DRG1: variants seen among roughly 807,000 people sequenced by gnomAD.
DRG1 encodes developmentally regulated GTP binding protein 1.
Under a neutral mutation model 38.8 loss-of-function variants are expected in DRG1, and 19 were observed. That is an observed-to-expected ratio of 0.49 (90% CI 0.34 to 0.72). The LOEUF (loss-of-function observed/expected upper bound fraction) is 0.72. Ranked by LOEUF, DRG1 falls within the 30% of genes least tolerant of loss-of-function variation. The pLI, the probability that DRG1 is intolerant of heterozygous loss-of-function variation, is 0.01. For synonymous variants in DRG1, 167 were observed against 157.5 expected, an observed-to-expected ratio of 1.06 and a Z score of -0.45; for missense variants, 299 against 444.8, an observed-to-expected ratio of 0.67 and a Z score of 2.95.
intron 8 of DRG1, among the ~76,000 whole-genome samples, chr22:31,429,732 G>C (rs575310545): frequency 3.4e-4 from 52 of 151,448 alleles, no homozygotes; most frequent in Non-Finnish European, 6.8e-4. Context: ...CTGTAGCCTT[G>C]ATCTCATGGG....
chr22:31,421,497 T>C (rs1373941838), intron 5 of DRG1: 1 of 151,856 alleles, frequency 6.6e-6, no homozygotes, highest in Admixed American at 6.6e-5. Context: ...TAGAATAGAT[T>C]TGGAGGGAAG....
At chr22:31,405,213 G>T (rs1382102079) in intron 3 of DRG1, among the ~76,000 whole-genome samples, 2 of 150,754 alleles carry the variant, frequency 1.3e-5, no homozygotes, top group African/African-American at 2.4e-5. Context: ...GTGTCACCCA[G>T]GCTGGAGTGC....
chr22:31,422,117 A>AAAAG (rs202067771), intron 5 of DRG1, among the ~76,000 whole-genome samples: 32,654 of 149,484 alleles, frequency 0.22, 4,590 homozygotes, highest in East Asian at 0.45. Context: ...CTCAAAAAAA[A>AAAAG]AAAGAAAGAA....
intron 3 of DRG1, among the ~76,000 whole-genome samples, chr22:31,404,325 C>A (rs998204934): frequency 1.3e-5 from 2 of 151,338 alleles, no homozygotes; most frequent in Non-Finnish European, 2.9e-5. Flanking sequence ...CTGCAATCTC[C>A]GCCTCCTGGG....
chr22:31,426,344 A>G (rs2145870297), intron 6 of DRG1, among the ~76,000 whole-genome samples: 1 of 152,320 alleles, frequency 6.6e-6, no homozygotes, highest in South Asian at 2.1e-4. Context: ...TGGGATTAGA[A>G]TCAGTCTGAG....
chr22:31,433,513 C>T (rs1254899712), intron 8 of DRG1, among the ~76,000 whole-genome samples: 2 of 152,016 alleles, frequency 1.3e-5, no homozygotes, highest in East Asian at 1.9e-4. Flanking sequence ...TCAGGTGATC[C>T]GCACCCTTCG....
At chr22:31,428,512 C>T (rs1453955129) in intron 8 of DRG1, among the ~76,000 whole-genome samples, 1 of 152,172 alleles carries the variant, frequency 6.6e-6, no homozygotes, top group Non-Finnish European at 1.5e-5. Flanking sequence ...TGCGCCCAGC[C>T]CAAAGTTTCC....
chr22:31,431,010 A>T (rs1279837997), intron 8 of DRG1, among the ~76,000 whole-genome samples: 4 of 99,058 alleles, frequency 4.0e-5, no homozygotes, highest in Non-Finnish European at 7.8e-5. Flanking sequence ...TAGCCACTGC[A>T]CCCGGCCTTC....
Position 31,420,419 on chromosome 22 carries a change from A to G in DRG1, c.576A>G (p.Thr192=), listed in dbSNP as rs762432870. The G allele has an allele frequency of 6.2e-7, 1 of 1,614,186 alleles. No homozygotes were observed. The highest frequency in any genetic ancestry group is 1.1e-5 in the South Asian group (1 of 91,082). ...KKKDKGGINL[T]ATCPQSELDA... ...AGGACAAGGGAGGCATTAATCTCAC[A>G]GCCACTGTAAGTGGGGAATATGACA... The change falls in exon 5 of 9, where the codon ACA becomes ACG. Residue 192 remains threonine (T), a synonymous_variant. Coordinates refer to ENST00000331457, the MANE Select transcript of DRG1 (RefSeq NM_004147.4).
chr22:31,401,300 AG>A (rs969319040), intron 2 of DRG1, among the ~76,000 whole-genome samples: 1 of 150,768 alleles, frequency 6.6e-6, no homozygotes, highest in African/African-American at 2.4e-5. Context: ...AAAAAAAAAA[AG>A]GCTGGGTGCG....
chr22:31,405,230 G>A (rs1188563216), intron 3 of DRG1, among the ~76,000 whole-genome samples: 1 of 150,574 alleles, frequency 6.6e-6, no homozygotes, highest in African/African-American at 2.4e-5. Context: ...GTGCAGTGGC[G>A]TGATTCGGCT....
intron 4 of DRG1, among the ~76,000 whole-genome samples, chr22:31,411,959 G>C (rs13055859): frequency 6.6e-6 from 1 of 150,778 alleles, no homozygotes; most frequent in Non-Finnish European, 1.5e-5. Flanking sequence ...TTTGTTTTTT[G>C]ATAAAAAACC....
intron 1 of DRG1, 131 bp downstream of exon 1, chr22:31,399,856 T>C: frequency 7.5e-7 from 1 of 1,338,770 alleles, no homozygotes; most frequent in South Asian, 1.2e-5. Context: ...GCGAGGCCCG[T>C]GTTCCGACTG....
At chr22:31,399,870 T>C in intron 1 of DRG1, 145 bp downstream of exon 1, 1 of 1,175,888 alleles carries the variant, frequency 8.5e-7, no homozygotes, top group South Asian at 1.3e-5. Flanking sequence ...CCGACTGCCC[T>C]CTGCCACGAT....
intron 4 of DRG1, among the ~76,000 whole-genome samples, chr22:31,417,748 T>C (rs1002174797): frequency 3.9e-5 from 6 of 151,904 alleles, no homozygotes; most frequent in African/African-American, 9.7e-5. Context: ...CCCAGCACTT[T>C]AGGAGGCTGA....
At chr22:31,408,881 ATTTGT>A (rs1464909555) in intron 3 of DRG1, among the ~76,000 whole-genome samples, 1 of 150,516 alleles carries the variant, frequency 6.6e-6, no homozygotes, top group Non-Finnish European at 1.5e-5. Flanking sequence ...TAGATTTTAT[ATTTGT>A]TTTAACTGTT....
chr22:31,422,142 A>C (rs922625707), intron 5 of DRG1, among the ~76,000 whole-genome samples: 1 of 146,604 alleles, frequency 6.8e-6, no homozygotes, highest in African/African-American at 2.5e-5. Flanking sequence ...AGAAAAGAAA[A>C]GAGAATCGGC....
intron 4 of DRG1, among the ~76,000 whole-genome samples, chr22:31,417,618 T>G (rs889482226): frequency 2.0e-5 from 3 of 150,532 alleles, no homozygotes; most frequent in Non-Finnish European, 4.4e-5. Flanking sequence ...AGGCGGAGGT[T>G]GCAGTGAGCC....
Position 31,403,215 on chromosome 22 carries a change from C to A in DRG1, c.342+11C>A. 1 of 1,591,786 alleles carries A rather than the reference C, an allele frequency of 6.3e-7. No individual in the cohort carries two copies. Among genetic ancestry groups the A allele is most frequent in the Non-Finnish European group, 8.5e-7 (1 of 1,170,638 alleles). On this transcript the variant is annotated intron_variant, in intron 3 of 8. Coordinates refer to ENST00000331457, the MANE Select transcript of DRG1 (RefSeq NM_004147.4). ...GGTGCCAAGATCCAGGTGAGTCAAG[C>A]CTGCAGACTAAGGAAGGAAAGAAAT... is the stretch of plus-strand genomic sequence containing the variant.
Sources: allele counts gnomAD v4.1 joint callset (sites outside exome capture counted in the v4.1 genomes callset), GRCh38; gene constraint gnomAD v4.1.1; transcripts MANE v1.5; gene names NCBI Gene and HGNC (gene_info 2026-07-23, HGNC 2026-07-21).